The following RSRC1 variants were observed in gnomAD, a reference collection of about 807,000 sequenced individuals.
RSRC1 encodes serine/Arginine-related protein 53.
In RSRC1, 39 loss-of-function variants were observed where a neutral mutation model predicts 49.1. That is an observed-to-expected ratio of 0.79 (90% confidence interval 0.61 to 1.04). The LOEUF is 1.04. Among genes scored for constraint, RSRC1 ranks in the 50% least tolerant of loss-of-function variants. The pLI, the probability that RSRC1 is intolerant of heterozygous loss-of-function variation, is 0.00. For synonymous variants in RSRC1, 143 were observed against 130.8 expected (o/e 1.09, Z -0.63); for missense variants, 388 against 402.4 (o/e 0.96, Z 0.31).
intron 7 of RSRC1, among the ~76,000 whole-genome samples, chr3:158,475,740 C>G (rs1057246125): frequency 1.3e-5 from 2 of 152,084 alleles, no homozygotes; most frequent in Non-Finnish European, 2.9e-5. Context: ...CTCTCTCTCT[C>G]TCTCTCCCTG....
intron 6 of RSRC1, among the ~76,000 whole-genome samples, chr3:158,422,479 T>G (rs1256614980): frequency 1.3e-5 from 2 of 151,282 alleles, no homozygotes; most frequent in East Asian, 3.9e-4. Flanking sequence ...CTATCATTGT[T>G]GGACATTTGG....
intron 6 of RSRC1, among the ~76,000 whole-genome samples, chr3:158,449,147 A>G (rs952672768): frequency 4.6e-5 from 7 of 151,924 alleles, no homozygotes; most frequent in Non-Finnish European, 8.8e-5. Context: ...TGAGTAATAT[A>G]TAACTTAAAG....
chr3:158,466,492 T>G (rs2108413921), intron 7 of RSRC1, among the ~76,000 whole-genome samples: 1 of 152,288 alleles, frequency 6.6e-6, no homozygotes, highest in South Asian at 2.1e-4. Context: ...AATTAAACAT[T>G]AGGAAGCTGA....
chr3:158,387,075 A>G (rs895799565), intron 6 of RSRC1, among the ~76,000 whole-genome samples: 5 of 152,114 alleles, frequency 3.3e-5, no homozygotes, highest in African/African-American at 1.2e-4. Context: ...TTTTCATTAA[A>G]AAAAAAGTGG....
At chr3:158,147,408 G>T (rs1329922430) in intron 3 of RSRC1, among the ~76,000 whole-genome samples, 1 of 150,856 alleles carries the variant, frequency 6.6e-6, no homozygotes, top group East Asian at 1.9e-4. Flanking sequence ...TGATGTTTTG[G>T]TACTCATCTT....
chr3:158,332,974 T>G (rs903843681), intron 5 of RSRC1, among the ~76,000 whole-genome samples: 3 of 150,490 alleles, frequency 2.0e-5, no homozygotes, highest in Admixed American at 6.6e-5. Context: ...GTTTTTTGTT[T>G]TTTTTTTTTT....
chr3:158,423,080 A>G (rs1173697885), intron 6 of RSRC1, among the ~76,000 whole-genome samples: 3 of 151,958 alleles, frequency 2.0e-5, no homozygotes, highest in Admixed American at 6.6e-5. Context: ...CTTTAGTTTA[A>G]TGAGATCCCA....
At chr3:158,193,291 A>G (rs183998080) in intron 3 of RSRC1, among the ~76,000 whole-genome samples, 1 of 152,142 alleles carries the variant, frequency 6.6e-6, no homozygotes, top group Non-Finnish European at 1.5e-5. Context: ...TTTTAAGGGT[A>G]CAATAAAAAC....
chr3:158,196,128 G>A (rs1450556568), intron 3 of RSRC1, among the ~76,000 whole-genome samples: 5 of 151,956 alleles, frequency 3.3e-5, no homozygotes, highest in East Asian at 3.9e-4. Flanking sequence ...TCCTACTCAC[G>A]AGCATGGAAT....
chr3:158,270,231 G>A (rs1296526034), intron 4 of RSRC1, among the ~76,000 whole-genome samples: 1 of 152,170 alleles, frequency 6.6e-6, no homozygotes, highest in East Asian at 1.9e-4. Flanking sequence ...TGCTGTGTTT[G>A]CTTAAAGCTA....
chr3:158,358,299 A>G (rs1024703448), intron 6 of RSRC1, among the ~76,000 whole-genome samples: 2 of 152,124 alleles, frequency 1.3e-5, no homozygotes, highest in African/African-American at 2.4e-5. Flanking sequence ...CCTGGACTTA[A>G]TTATTCTGAT....
At chr3:158,473,391 T>C (rs993355850) in intron 7 of RSRC1, among the ~76,000 whole-genome samples, 1 of 152,136 alleles carries the variant, frequency 6.6e-6, no homozygotes, top group Non-Finnish European at 1.5e-5. Flanking sequence ...GAAACCATCA[T>C]TCTCAGCAAA....
At chr3:158,327,443 A>G (rs1005904040) in intron 5 of RSRC1, among the ~76,000 whole-genome samples, 1 of 152,120 alleles carries the variant, frequency 6.6e-6, no homozygotes, top group African/African-American at 2.4e-5. Context: ...CTTTGTTCTC[A>G]TTGGTTTCAA....
chr3:158,286,505 G>A (rs531427440), intron 4 of RSRC1, among the ~76,000 whole-genome samples: 1 of 152,312 alleles, frequency 6.6e-6, no homozygotes, highest in South Asian at 2.1e-4. Context: ...AGTTCACTTA[G>A]ACAAATACTA....
intron 8 of RSRC1, 40 bp from the exon 9 acceptor site, chr3:158,543,295 T>A: frequency 7.0e-7 from 1 of 1,428,528 alleles, no homozygotes; most frequent in Non-Finnish European, 9.2e-7. Context: ...AAACTCTAAT[T>A]GTGTATTGTG....
In RSRC1 at chr3:158,304,354, C is replaced by T. The variant is rs1160369227; in HGVS notation, c.531+6279C>T. On this transcript the variant is annotated intron_variant, in intron 5 of 9. Coordinates refer to ENST00000611884, the MANE Select transcript of RSRC1 (RefSeq NM_001271838.2). ...AATCAAACTGCTGTATTTCGGTTTT[C>T]AGACTAATAGTTCTATTTAACACAA... 3.3e-5 allele frequency among the ~76,000 whole-genome samples: 5 copies of T among 152,180 alleles called. No homozygotes were observed. In the South Asian group the frequency reaches 6.2e-4, roughly 19 times the overall value.
At chr3:158,299,896 C>T (rs1465545249) in intron 5 of RSRC1, among the ~76,000 whole-genome samples, 1 of 152,156 alleles carries the variant, frequency 6.6e-6, no homozygotes, top group Non-Finnish European at 1.5e-5. Context: ...CTCCAGACTT[C>T]CACTACTCAC....
At position 158,472,325 on chromosome 3, in the gene RSRC1, TCA is replaced by T. The variant is rs370899129; in HGVS notation, c.652+11325_652+11326del. On this transcript the variant is annotated intron_variant, in intron 7 of 9. Transcript: ENST00000611884. ...TTTTGTTAGAAAAAAGAAAATATTC[TCA>T]CAGACTTTCAACTTCTAAAGCATCA... 4.7e-4 allele frequency among the ~76,000 whole-genome samples: 71 copies of T among 152,270 alleles called. 1 individual carries two copies. The East Asian group carries it at 0.012, about 25-fold the overall frequency.
intron 7 of RSRC1, among the ~76,000 whole-genome samples, chr3:158,502,605 G>T (rs142475304): frequency 1.4e-4 from 22 of 152,070 alleles, no homozygotes; most frequent in African/African-American, 5.1e-4. Flanking sequence ...TTAATTTAAA[G>T]ACCTTGTCTT....
Sources: allele counts gnomAD v4.1 joint callset (sites outside exome capture counted in the v4.1 genomes callset), GRCh38; gene constraint gnomAD v4.1.1; transcripts MANE v1.5; gene names NCBI Gene and HGNC (gene_info 2026-07-23, HGNC 2026-07-21).